RAPGEF4: variants seen among roughly 807,000 people sequenced by gnomAD.
RAPGEF4 encodes the protein RAP guanine-nucleotide-exchange factor (GEF) 4.
A neutral mutation model predicts 147.9 loss-of-function variants in RAPGEF4; 66 were observed. The observed-to-expected ratio is 0.45, with a 90% CI of 0.37 to 0.55. RAPGEF4 has a LOEUF of 0.55. RAPGEF4 is among the 20% of genes least tolerant of loss of function. RAPGEF4 has a pLI of 0.00. For synonymous variants in RAPGEF4, 419 were observed against 442.7 expected (o/e 0.95, Z 0.67); for missense variants, 1,071 against 1,257.3 (o/e 0.85, Z 2.24).
rs541518505 is a variant in RAPGEF4, at chr2:172,774,581, G to A, written c.66-20444G>A. ...ACCTAGTTAAAATATCAGCTAAAAT[G>A]GTGTGGAAAGCTGAGCATTGGAAGA... On this transcript the variant is annotated intron_variant, in intron 1 of 30. Coordinates refer to ENST00000397081, the MANE Select transcript of RAPGEF4 (RefSeq NM_007023.4). 1.4e-3 allele frequency among the ~76,000 whole-genome samples: 210 copies of A among 152,302 alleles called. 1 individual carries two copies. Among genetic ancestry groups the A allele is most frequent in the Middle Eastern group, 3.4e-3 (1 of 294 alleles).
At chr2:172,816,606 A>G (rs1394690801) in intron 4 of RAPGEF4, among the ~76,000 whole-genome samples, 3 of 152,200 alleles carry the variant, frequency 2.0e-5, no homozygotes, top group Non-Finnish European at 4.4e-5. Flanking sequence ...GAGGAAAAAT[A>G]TTTAATAGGG....
chr2:172,799,934 C>T (rs1041364636), intron 3 of RAPGEF4, among the ~76,000 whole-genome samples: 3 of 152,034 alleles, frequency 2.0e-5, no homozygotes, highest in Admixed American at 6.6e-5. Context: ...GGAATATTGC[C>T]CTTAACCAGT....
In RAPGEF4 at chr2:172,979,735, G is replaced by A. The variant is rs145511385; in HGVS notation, c.1005-3761G>A. On this transcript the variant is annotated intron_variant, in intron 10 of 30. Coordinates refer to ENST00000397081, the MANE Select transcript of RAPGEF4 (RefSeq NM_007023.4). ...ACGGAGGAATAAATGTTAGAGAGTG[G>A]CCTTGCATGGTGTCTGATGCCTGTA... Among the ~76,000 whole-genome samples the A allele has an allele frequency of 2.0e-4, 30 of 152,328 alleles. 1 individual carries two copies. Among genetic ancestry groups the A allele is most frequent in the Non-Finnish European group, 1.3e-4 (9 of 68,028 alleles).
intron 4 of RAPGEF4, among the ~76,000 whole-genome samples, chr2:172,844,058 A>C (rs1575015897): frequency 1.3e-5 from 2 of 152,238 alleles, no homozygotes; most frequent in East Asian, 3.8e-4. Flanking sequence ...CATAAAGAAG[A>C]AGCTGAATAT....
At chr2:172,881,266 T>C (rs1000666322) in intron 4 of RAPGEF4, among the ~76,000 whole-genome samples, 2 of 152,224 alleles carry the variant, frequency 1.3e-5, no homozygotes, top group East Asian at 3.8e-4. Context: ...TTTTCTAATA[T>C]ACTGTGCTCT....
chr2:172,926,969 A>G (rs78605675), intron 6 of RAPGEF4, among the ~76,000 whole-genome samples: 1 of 152,212 alleles, frequency 6.6e-6, no homozygotes, highest in African/African-American at 2.4e-5. Flanking sequence ...ATCACCATCA[A>G]TGTGGAGCTC....
At chr2:172,794,375 A>T (rs1686161886) in intron 1 of RAPGEF4, among the ~76,000 whole-genome samples, 1 of 152,000 alleles carries the variant, frequency 6.6e-6, no homozygotes, top group African/African-American at 2.4e-5. Context: ...AGAAAAAAGA[A>T]AAAAGCAGAC....
At chr2:173,018,186 T>C (rs1695679584) in intron 21 of RAPGEF4, among the ~76,000 whole-genome samples, 1 of 152,172 alleles carries the variant, frequency 6.6e-6, no homozygotes, top group South Asian at 2.1e-4. Context: ...CGAGCTTACA[T>C]GGCCTGGCCC....
chr2:172,972,752 T>G (rs1363040974), intron 10 of RAPGEF4, among the ~76,000 whole-genome samples: 5 of 152,232 alleles, frequency 3.3e-5, no homozygotes, highest in Admixed American at 6.5e-5. Flanking sequence ...GCTGCTCATC[T>G]ACAGTTTAGA....
intron 1 of RAPGEF4, among the ~76,000 whole-genome samples, chr2:172,776,848 C>G (rs1483166292): frequency 6.6e-6 from 1 of 152,064 alleles, no homozygotes; most frequent in African/African-American, 2.4e-5. Context: ...ATAATCTTTT[C>G]AATCTTTAAA....
At chr2:172,736,651 TA>T (rs1467490435) in intron 1 of RAPGEF4, among the ~76,000 whole-genome samples, 2 of 152,152 alleles carry the variant, frequency 1.3e-5, no homozygotes, top group African/African-American at 4.8e-5. Flanking sequence ...ATCTTTACGC[TA>T]AAAATAATTA....
intron 4 of RAPGEF4, among the ~76,000 whole-genome samples, chr2:172,832,812 T>G (rs1690507493): frequency 6.6e-6 from 1 of 152,242 alleles, no homozygotes; most frequent in Non-Finnish European, 1.5e-5. Context: ...GGTTGCCCTA[T>G]CTTTCCTTTA....
At chr2:172,923,483 G>T (rs1684971119) in intron 6 of RAPGEF4, among the ~76,000 whole-genome samples, 1 of 152,102 alleles carries the variant, frequency 6.6e-6, no homozygotes. Context: ...GGCCAGGCTG[G>T]TCTCGAACTC....
chr2:172,985,349 A>T, intron 11 of RAPGEF4, 84 bp from the exon 12 acceptor site: 2 of 1,597,840 alleles, frequency 1.3e-6, no homozygotes, highest in Non-Finnish European at 1.7e-6. Context: ...GACAGTTTGC[A>T]TTGTGCCCCC....
intron 6 of RAPGEF4, among the ~76,000 whole-genome samples, chr2:172,942,116 A>C (rs995903289): frequency 2.6e-5 from 4 of 151,492 alleles, no homozygotes; most frequent in Non-Finnish European, 1.5e-5. Context: ...GCTAATTAAC[A>C]TATCCTTTTT....
At chr2:172,914,428 G>A (rs1041846964) in intron 4 of RAPGEF4, among the ~76,000 whole-genome samples, 10 of 140,170 alleles carry the variant, frequency 7.1e-5, no homozygotes, top group Admixed American at 6.4e-4. Flanking sequence ...TCCACCTTCT[G>A]GTTCAAGCGA....
In RAPGEF4 at chr2:173,030,101, C is replaced by G; in HGVS notation, c.2559-63C>G. On this transcript the variant is annotated intron_variant, in intron 25 of 30. Coordinates refer to ENST00000397081, the MANE Select transcript of RAPGEF4 (RefSeq NM_007023.4). ...TTAATGACTATCAGAAAATAGAACT[C>G]TAATTTTTTTTATCTCACACAGAAG... is the stretch of plus-strand genomic sequence containing the variant. 8 of 1,151,302 alleles carry G rather than the reference C, an allele frequency of 6.9e-6. No homozygotes were observed. In the East Asian group the frequency reaches 1.9e-4, roughly 27 times the overall value. 71.3% of individuals were successfully genotyped at this position (1,151,302 alleles called of 1,614,324 possible).
At chr2:172,737,861 A>G (rs1693951348) in intron 1 of RAPGEF4, among the ~76,000 whole-genome samples, 1 of 152,204 alleles carries the variant, frequency 6.6e-6, no homozygotes, top group African/African-American at 2.4e-5. Flanking sequence ...CTGAAAAATG[A>G]GGATAGGACT....
At chr2:172,956,929 A>G in intron 6 of RAPGEF4, among the ~76,000 whole-genome samples, 1 of 152,220 alleles carries the variant, frequency 6.6e-6, no homozygotes, top group East Asian at 1.9e-4. Context: ...TTTCTCAATA[A>G]CTTGAATCAA....
Sources: allele counts gnomAD v4.1 joint callset (sites outside exome capture counted in the v4.1 genomes callset), GRCh38; gene constraint gnomAD v4.1.1; transcripts MANE v1.5; gene names NCBI Gene and HGNC (gene_info 2026-07-23, HGNC 2026-07-21).